Variants in VAT1L observed in about 807,000 individuals in gnomAD.
VAT1L encodes the protein putative NADPH-dependent quinone oxidoreductase VAT1L.
Under a neutral mutation model 44.1 loss-of-function variants are expected in VAT1L, and 34 were observed. The observed-to-expected ratio is 0.77, with a 90% CI of 0.59 to 1.03. VAT1L has a LOEUF of 1.03. VAT1L is among the 50% of genes least tolerant of loss of function. The probability of loss-of-function intolerance (pLI) is 0.00; values close to 1 mark genes in which losing one functional copy is unlikely to be tolerated. For synonymous variants in VAT1L, 253 were observed against 202.2 expected, an observed-to-expected ratio of 1.25 and a Z score of -2.13; for missense variants, 615 against 538.8, an observed-to-expected ratio of 1.14 and a Z score of -1.40.
chr16:77,928,208 T>C (rs953245654), intron 7 of VAT1L, among the ~76,000 whole-genome samples: 3 of 152,202 alleles, frequency 2.0e-5, no homozygotes, highest in Non-Finnish European at 2.9e-5. Context: ...CTGGTTCATT[T>C]GTGACCTGAG....
intron 3 of VAT1L, among the ~76,000 whole-genome samples, chr16:77,848,492 A>G (rs1260182962): frequency 6.6e-6 from 1 of 152,126 alleles, no homozygotes; most frequent in Non-Finnish European, 1.5e-5. Context: ...ACAGGTAAGG[A>G]GTTGAAGTCC....
rs912739094 is a variant in VAT1L, at chr16:77,902,366, G to C, written c.1077+17564G>C. Among the ~76,000 whole-genome samples, 6 of 152,186 alleles carry C rather than the reference G, an allele frequency of 3.9e-5. No homozygotes were observed. The East Asian group carries it at 1.2e-3, about 29-fold the overall frequency. ...CACATTACCATAAAAACATTGAGTA[G>C]TTATCTTGGTAGATGCCAAGGCATT... is the stretch of plus-strand genomic sequence containing the variant. On this transcript the variant is annotated intron_variant, in intron 7 of 8. Coordinates refer to ENST00000302536, the MANE Select transcript of VAT1L (RefSeq NM_020927.3).
At chr16:77,858,310 GA>G (rs1352476179) in intron 3 of VAT1L, among the ~76,000 whole-genome samples, 1 of 152,218 alleles carries the variant, frequency 6.6e-6, no homozygotes, top group Non-Finnish European at 1.5e-5. Context: ...AAGAGGAAGG[GA>G]GGGCATAATG....
intron 7 of VAT1L, among the ~76,000 whole-genome samples, chr16:77,951,152 A>T (rs2018037664): frequency 6.6e-6 from 1 of 152,256 alleles, no homozygotes; most frequent in Non-Finnish European, 1.5e-5. Flanking sequence ...AAATCCGTAA[A>T]GTCCAGACGG....
chr16:77,860,828 A>G (rs991890210), intron 3 of VAT1L, among the ~76,000 whole-genome samples: 1 of 152,216 alleles, frequency 6.6e-6, no homozygotes, highest in African/African-American at 2.4e-5. Flanking sequence ...ATATTCTGAA[A>G]TGTTGACCTC....
chr16:77,822,489 C>T (rs1437543272), intron 2 of VAT1L, among the ~76,000 whole-genome samples: 1 of 152,128 alleles, frequency 6.6e-6, no homozygotes, highest in African/African-American at 2.4e-5. Context: ...GGAGAGCCAC[C>T]CCCTTCCAGT....
At chr16:77,945,895 C>T (rs995911244) in intron 7 of VAT1L, among the ~76,000 whole-genome samples, 1 of 151,486 alleles carries the variant, frequency 6.6e-6, no homozygotes, top group African/African-American at 2.4e-5. Context: ...CTCTGCTTCC[C>T]GGTTCAAGTG....
At chr16:77,950,948 G>A (rs914183968) in intron 7 of VAT1L, among the ~76,000 whole-genome samples, 1 of 152,126 alleles carries the variant, frequency 6.6e-6, no homozygotes, top group Admixed American at 6.6e-5. Context: ...TTCATCCTCC[G>A]GTAAATTACT....
intron 3 of VAT1L, among the ~76,000 whole-genome samples, chr16:77,838,920 G>C (rs1348736202): frequency 2.6e-5 from 4 of 151,032 alleles, no homozygotes; most frequent in African/African-American, 7.3e-5. Context: ...CATCTGTCAA[G>C]TACAAGCCCT....
At chr16:77,823,362 C>T (rs1259542404) in intron 2 of VAT1L, among the ~76,000 whole-genome samples, 1 of 152,144 alleles carries the variant, frequency 6.6e-6, no homozygotes, top group Non-Finnish European at 1.5e-5. Context: ...AGCCCTATCA[C>T]TCATAGCACT....
chr16:77,971,997 G>A (rs2018283655), intron 8 of VAT1L, 64 bp downstream of exon 8: 1 of 1,498,568 alleles, frequency 6.7e-7, no homozygotes, highest in African/African-American at 1.4e-5. Context: ...TCAATCAGAT[G>A]CAGACACGGG....
intron 7 of VAT1L, among the ~76,000 whole-genome samples, chr16:77,930,454 T>C (rs1341558295): frequency 6.6e-6 from 1 of 152,214 alleles, no homozygotes; most frequent in Non-Finnish European, 1.5e-5. Flanking sequence ...TGAATGGCTC[T>C]CTGCAGTGGC....
At chr16:77,919,739 G>A (rs763494592) in intron 7 of VAT1L, among the ~76,000 whole-genome samples, 8 of 152,160 alleles carry the variant, frequency 5.3e-5, no homozygotes, top group Non-Finnish European at 1.5e-5. Context: ...AGAATTCACA[G>A]AGCAAGAGAT....
intron 8 of VAT1L, among the ~76,000 whole-genome samples, chr16:77,973,505 G>A (rs1245220978): frequency 6.6e-6 from 1 of 151,986 alleles, no homozygotes; most frequent in African/African-American, 2.4e-5. Context: ...GGCTGGTCTT[G>A]AACTCCTGAC....
rs181010540 is a variant in VAT1L, at chr16:77,946,866, G to A, written c.1078-24984G>A. On this transcript the variant is annotated intron_variant, in intron 7 of 8. Transcript: ENST00000302536. ...CATTTGAGATCCCAGTGAAGCCCAG[G>A]CTGAAACAAGAATGGCTGAAGTCTG... Among the ~76,000 whole-genome samples the A allele has an allele frequency of 2.6e-5, 4 of 152,286 alleles. No individual in the cohort carries two copies. The East Asian group carries it at 5.8e-4, about 22-fold the overall frequency.
chr16:77,945,797 CTT>C lies in VAT1L; in HGVS notation c.1078-26040_1078-26039del, dbSNP rs58436423. 3.1e-4 allele frequency among the ~76,000 whole-genome samples: 44 copies of C among 141,198 alleles called. 1 individual carries two copies. The highest frequency in any genetic ancestry group is 9.1e-4 in the Admixed American group (13 of 14,282). The allele number at this position is 141,198 out of a possible 152,430, so 92.6% of individuals were successfully genotyped here. A position where few individuals can be genotyped will look rare whatever the true frequency, so the allele number is the denominator to read the frequency against. ...TGTTTTGTTTTCTTTAGTGGCTTGA[CTT>C]TTTTTTTTTTTTCTTTTTTTTGAGA... On this transcript the variant is annotated intron_variant, in intron 7 of 8. Coordinates refer to ENST00000302536, the MANE Select transcript of VAT1L (RefSeq NM_020927.3).
At chr16:77,867,718 G>C (rs1309946641) in intron 4 of VAT1L, among the ~76,000 whole-genome samples, 1 of 152,066 alleles carries the variant, frequency 6.6e-6, no homozygotes, top group Non-Finnish European at 1.5e-5. Flanking sequence ...ACTTAGCCAG[G>C]TGAGGTGGTG....
chr16:77,802,420 G>T (rs1041164459), intron 1 of VAT1L, among the ~76,000 whole-genome samples: 1 of 152,108 alleles, frequency 6.6e-6, no homozygotes, highest in Admixed American at 6.5e-5. Context: ...TTCAAGACCA[G>T]CCTGGCCAAG....
chr16:77,922,782 C>T (rs1253247222), intron 7 of VAT1L, among the ~76,000 whole-genome samples: 1 of 152,180 alleles, frequency 6.6e-6, no homozygotes, highest in Non-Finnish European at 1.5e-5. Flanking sequence ...AGGGCTGAAA[C>T]CCCCTCCCCA....
Sources: allele counts gnomAD v4.1 joint callset (sites outside exome capture counted in the v4.1 genomes callset), GRCh38; gene constraint gnomAD v4.1.1; transcripts MANE v1.5; gene names NCBI Gene and HGNC (gene_info 2026-07-23, HGNC 2026-07-21).